TM9SF4: variants seen among roughly 807,000 people sequenced by gnomAD.
TM9SF4 encodes dinucleotide oxidase disulfide thiol exchanger 3 superfamily member 4.
Under a neutral mutation model 90.4 loss-of-function variants are expected in TM9SF4, and 26 were observed. The observed-to-expected ratio is 0.29, with a 90% CI of 0.21 to 0.40. TM9SF4 has a LOEUF of 0.40. TM9SF4 is among the 10% of genes least tolerant of loss of function. The pLI is 1.00. For synonymous variants in TM9SF4, 293 were observed against 315.4 expected (o/e 0.93, Z 0.75); for missense variants, 549 against 834.8 (o/e 0.66, Z 4.22).
intron 14 of TM9SF4, 75 bp downstream of exon 14, chr20:32,158,044 G>C: frequency 6.4e-7 from 1 of 1,572,906 alleles, no homozygotes; most frequent in Non-Finnish European, 8.7e-7. Context: ...AGAAGGGTGC[G>C]GCAACCAGAG....
At chr20:32,125,226 C>T (rs958576916) in intron 1 of TM9SF4, among the ~76,000 whole-genome samples, 3 of 152,170 alleles carry the variant, frequency 2.0e-5, no homozygotes, top group African/African-American at 7.2e-5. Context: ...AAGTCCACCC[C>T]GCCTTATCAA....
intron 17 of TM9SF4, 34 bp downstream of exon 17, chr20:32,161,399 T>C: frequency 1.3e-6 from 2 of 1,597,316 alleles, no homozygotes; most frequent in Non-Finnish European, 1.7e-6. Flanking sequence ...CTCTTAGTCC[T>C]CATAGGGTAG....
At position 32,166,362 on chromosome 20, in the gene TM9SF4, C is replaced by G. The variant is rs1166634916; in HGVS notation, c.*918C>G. On this transcript the variant is annotated 3_prime_UTR_variant, in exon 18 of 18. Transcript: ENST00000398022. ...CCTCAGGATCACTCCCCAGCCCTTT[C>G]CTCAGGAGGTACCGCTCTCCAAGGT... The G allele has an allele frequency of 6.5e-6, 1 of 152,822 alleles. No individual in the cohort carries two copies. Among genetic ancestry groups the G allele is most frequent in the Non-Finnish European group, 1.5e-5 (1 of 68,186 alleles). 9.5% of individuals were successfully genotyped at this position (152,822 alleles called of 1,614,324 possible). A position where few individuals can be genotyped will look rare whatever the true frequency, so the allele number is the denominator to read the frequency against.
intron 1 of TM9SF4, chr20:32,110,173 C>T (rs987596410): frequency 2.1e-5 from 13 of 626,024 alleles, no homozygotes; most frequent in Non-Finnish European, 2.7e-5. Flanking sequence ...ATAACCAGTC[C>T]GCAGATGTGA....
intron 17 of TM9SF4, among the ~76,000 whole-genome samples, chr20:32,162,782 T>C (rs2047035847): frequency 6.6e-6 from 1 of 152,104 alleles, no homozygotes; most frequent in Non-Finnish European, 1.5e-5. Flanking sequence ...AGAACAAATC[T>C]AATCTCCCTC....
In TM9SF4 at chr20:32,165,676, T is replaced by A. The variant is rs2047089755; in HGVS notation, c.*232T>A. On this transcript the variant is annotated 3_prime_UTR_variant, in exon 18 of 18. Transcript: ENST00000398022. ...GGATGAGTTTTTTTGTGGGTTGCTT[T>A]TTCTTCAGTGCTAAGAAAGTTCCCT... 1 of 534,794 alleles carries A rather than the reference T, an allele frequency of 1.9e-6. No homozygotes were observed. Among genetic ancestry groups the A allele is most frequent in the Non-Finnish European group, 3.4e-6 (1 of 298,430 alleles). The allele number at this position is 534,794 out of a possible 1,614,324, so 33.1% of individuals were successfully genotyped here. A position where few individuals can be genotyped will look rare whatever the true frequency, so the allele number is the denominator to read the frequency against.
At chr20:32,121,867 G>C (rs1362750032) in intron 1 of TM9SF4, among the ~76,000 whole-genome samples, 4 of 149,632 alleles carry the variant, frequency 2.7e-5, no homozygotes, top group African/African-American at 9.8e-5. Context: ...CGGGGCGGCT[G>C]GCCGGGCGGG....
At chr20:32,125,715 C>T (rs1250649769) in intron 1 of TM9SF4, among the ~76,000 whole-genome samples, 8 of 131,844 alleles carry the variant, frequency 6.1e-5, no homozygotes. Context: ...GACATAGTCT[C>T]GCTTTGTCAC....
intron 1 of TM9SF4, chr20:32,110,055 C>T: frequency 7.4e-7 from 1 of 1,348,388 alleles, no homozygotes. Context: ...CCCCATTTTC[C>T]ATTTCTCACC....
chr20:32,121,024 G>T (rs1018480167), intron 1 of TM9SF4, among the ~76,000 whole-genome samples: 6 of 151,996 alleles, frequency 3.9e-5, no homozygotes, highest in Non-Finnish European at 7.4e-5. Flanking sequence ...CTAATATTTT[G>T]TTAAGAATTT....
chr20:32,151,280 T>C (rs1339280063), intron 12 of TM9SF4, among the ~76,000 whole-genome samples: 3 of 152,140 alleles, frequency 2.0e-5, no homozygotes, highest in Non-Finnish European at 4.4e-5. Context: ...GTCAGCCCAT[T>C]TTCCAGGCTG....
chr20:32,159,799 C>T, intron 15 of TM9SF4, 193 bp from the exon 16 acceptor site: 2 of 685,768 alleles, frequency 2.9e-6, no homozygotes, highest in Non-Finnish European at 4.9e-6. Context: ...GTCAGTCAAC[C>T]CCTGGCCCCT....
In TM9SF4 at chr20:32,145,285, C is replaced by T. The variant is rs931705642; in HGVS notation, c.772-27C>T. ...TCAGGTTCTCCAGCAGGATGCCTGA[C>T]TCTAAGTGCTTCCTCCCACCTGCCA... is the stretch of plus-strand genomic sequence containing the variant. On this transcript the variant is annotated intron_variant, in intron 7 of 17. Coordinates refer to ENST00000398022, the MANE Select transcript of TM9SF4 (RefSeq NM_014742.4). 1.9e-6 allele frequency: 3 copies of T among 1,613,158 alleles called. No homozygotes were observed. In the African/African-American group the frequency reaches 4.0e-5, roughly 22 times the overall value.
intron 1 of TM9SF4, among the ~76,000 whole-genome samples, chr20:32,112,286 G>C (rs1476026935): frequency 1.3e-5 from 2 of 152,152 alleles, no homozygotes; most frequent in Admixed American, 1.3e-4. Flanking sequence ...TTGGTGGTGT[G>C]CACCTGTAGT....
At chr20:32,142,842 C>A in intron 5 of TM9SF4, 140 bp from the exon 6 acceptor site, 1 of 1,141,908 alleles carries the variant, frequency 8.8e-7, no homozygotes, top group Non-Finnish European at 1.2e-6. Flanking sequence ...CCTTGAAGAG[C>A]TTCTGAGTAG....
In TM9SF4 at chr20:32,160,949, C is replaced by CAA. The variant is rs34767421; in HGVS notation, c.1690-300_1690-299dup. ...TGGGCGACAGAGTGAGACTCCATCTCAAAAAAAAAAAAAAAAAAAAAAAAA... is the reference window on the plus strand; with the variant it reads ...TGGGCGACAGAGTGAGACTCCATCTCAAAAAAAAAAAAAAAAAAAAAAAAAAA... On this transcript the variant is annotated intron_variant, in intron 16 of 17. Transcript: ENST00000398022. 122 of 41,702 alleles carry CAA rather than the reference C, an allele frequency of 2.9e-3. 9 individuals carry two copies. Among genetic ancestry groups the CAA allele is most frequent in the Non-Finnish European group, 4.5e-3 (101 of 22,208 alleles). 2.6% of individuals were successfully genotyped at this position (41,702 alleles called of 1,614,324 possible).
chr20:32,157,398 T>C (rs1373176875), intron 13 of TM9SF4, among the ~76,000 whole-genome samples: 1 of 152,250 alleles, frequency 6.6e-6, no homozygotes, highest in Admixed American at 6.5e-5. Flanking sequence ...TAATAGTATA[T>C]CATGTAGTTT....
At chr20:32,113,205 C>T (rs1345196517) in intron 1 of TM9SF4, among the ~76,000 whole-genome samples, 2 of 152,172 alleles carry the variant, frequency 1.3e-5, no homozygotes, top group Non-Finnish European at 2.9e-5. Context: ...GTTGTGGGTG[C>T]AAGTGCGGTG....
Position 32,146,770 on chromosome 20 carries a change from C to T in TM9SF4, c.884-15C>T, listed in dbSNP as rs534565810. The T allele has an allele frequency of 1.3e-4, 202 of 1,613,806 alleles. No homozygotes were observed. The highest frequency in any genetic ancestry group is 1.8e-4 in the Admixed American group (11 of 59,988). ...AGCGCCAACTTCTCCTCATCCTCACCGCCATCTATTTCAGGTATCCTGAGC... is the reference window on the plus strand; with the variant it reads ...AGCGCCAACTTCTCCTCATCCTCACTGCCATCTATTTCAGGTATCCTGAGC... On this transcript the variant is annotated splice_polypyrimidine_tract_variant and intron_variant, in intron 8 of 17. Transcript: ENST00000398022.
Sources: allele counts gnomAD v4.1 joint callset (sites outside exome capture counted in the v4.1 genomes callset), GRCh38; gene constraint gnomAD v4.1.1; transcripts MANE v1.5; gene names NCBI Gene and HGNC (gene_info 2026-07-23, HGNC 2026-07-21).